Variants in FAF1 observed in about 807,000 individuals in gnomAD.
The protein encoded by FAF1 is FAS-associated factor 1.
In FAF1, 25 loss-of-function variants were observed where a neutral mutation model predicts 92.5. The observed-to-expected ratio is 0.27, with a 90% CI of 0.20 to 0.38. The LOEUF is 0.38. Among genes scored for constraint, FAF1 ranks in the 10% least tolerant of loss-of-function variants. The pLI is 1.00. For synonymous variants in FAF1, 234 were observed against 273.2 expected (o/e 0.86, Z 1.42); for missense variants, 636 against 793.3 (o/e 0.80, Z 2.38).
rs964751634 is a variant in FAF1, at chr1:50,441,189, G to T, written c.*251C>A. The T allele has an allele frequency of 1.8e-5, 7 of 394,266 alleles. No homozygotes were observed. The highest frequency in any genetic ancestry group is 1.3e-3 in the Middle Eastern group (2 of 1,538). The allele number at this position is 394,266 out of a possible 1,614,324, so 24.4% of individuals were successfully genotyped here. On this transcript the variant is annotated 3_prime_UTR_variant, in exon 19 of 19. Coordinates refer to ENST00000396153, the MANE Select transcript of FAF1 (RefSeq NM_007051.3). Reference sequence around the variant, plus strand: ...ACAATGCATTCGTCATTGAAGGAGGGTGAAGTGCAGGGGGTAGGGGAGGGT... The same window carrying T: ...ACAATGCATTCGTCATTGAAGGAGGTTGAAGTGCAGGGGGTAGGGGAGGGT...
intron 4 of FAF1, among the ~76,000 whole-genome samples, chr1:50,745,408 A>G (rs553061924): frequency 6.6e-6 from 1 of 152,340 alleles, no homozygotes; most frequent in South Asian, 2.1e-4. Flanking sequence ...CAGAAAAGAA[A>G]AAAAATGTTG....
At chr1:50,655,566 T>C (rs936180875) in intron 7 of FAF1, 38 bp from the exon 8 acceptor site, 1 of 1,296,166 alleles carries the variant, frequency 7.7e-7, no homozygotes, top group Non-Finnish European at 1.1e-6. Context: ...AAAATAGAAT[T>C]TTCACATGAC....
Position 50,596,916 on chromosome 1 carries a change from T to C in FAF1, c.745-700A>G, listed in dbSNP as rs570839146. 5.9e-5 allele frequency among the ~76,000 whole-genome samples: 9 copies of C among 152,306 alleles called. No individual in the cohort carries two copies. In the South Asian group the frequency reaches 1.7e-3, roughly 28 times the overall value. ...CAATTGCAAGTATTAAAAGTCCTTA[T>C]AAACCTGTCTTTAAAAGATACTTTG... is the stretch of plus-strand genomic sequence containing the variant. On this transcript the variant is annotated intron_variant, in intron 8 of 18. Transcript: ENST00000396153.
rs556666465 is a variant in FAF1 at position 50,725,980 on chromosome 1, C to T, written c.551+12883G>A. ...CATTAAAATATTAACTGGGGCCAGG[C>T]GCAGTGCCTCATGCCTGTAACCCCA... is the stretch of plus-strand genomic sequence containing the variant. On this transcript the variant is annotated intron_variant, in intron 6 of 18. Coordinates refer to ENST00000396153, the MANE Select transcript of FAF1 (RefSeq NM_007051.3). Among the ~76,000 whole-genome samples, 216 of 152,190 alleles carry T rather than the reference C, an allele frequency of 1.4e-3. 1 individual carries two copies. The highest frequency in any genetic ancestry group is 5.1e-3 in the African/African-American group (210 of 41,548).
At chr1:50,919,024 T>C (rs1644942128) in intron 1 of FAF1, among the ~76,000 whole-genome samples, 1 of 152,190 alleles carries the variant, frequency 6.6e-6, no homozygotes, top group African/African-American at 2.4e-5. Context: ...ACAAAATAAA[T>C]GAACTTTTAC....
At chr1:50,673,445 G>A (rs1266340057) in intron 7 of FAF1, among the ~76,000 whole-genome samples, 1 of 152,118 alleles carries the variant, frequency 6.6e-6, no homozygotes, top group African/African-American at 2.4e-5. Flanking sequence ...CCTAATAGCA[G>A]GAAGGTATTA....
chr1:50,477,615 CATT>C (rs1293810202), intron 17 of FAF1, among the ~76,000 whole-genome samples: 1 of 152,084 alleles, frequency 6.6e-6, no homozygotes, highest in African/African-American at 2.4e-5. Context: ...ATTTTAGTAA[CATT>C]ATCATATATT....
intron 4 of FAF1, among the ~76,000 whole-genome samples, chr1:50,751,438 G>A (rs1659864616): frequency 1.3e-5 from 2 of 152,050 alleles, no homozygotes; most frequent in South Asian, 4.2e-4. Flanking sequence ...CCGCCTCCCA[G>A]GTTCAAGCAA....
intron 7 of FAF1, among the ~76,000 whole-genome samples, chr1:50,671,358 T>A (rs1230946078): frequency 6.7e-6 from 1 of 150,004 alleles, no homozygotes; most frequent in African/African-American, 2.5e-5. Context: ...TGAAACAAGA[T>A]CATGCCACTG....
chr1:50,919,755 G>T (rs1644948556), intron 1 of FAF1, among the ~76,000 whole-genome samples: 1 of 152,118 alleles, frequency 6.6e-6, no homozygotes, highest in Admixed American at 6.6e-5. Context: ...TTACAGGCGT[G>T]AGCCACCGCA....
chr1:50,720,487 TA>T (rs1386646514), intron 6 of FAF1, among the ~76,000 whole-genome samples: 1 of 152,204 alleles, frequency 6.6e-6, no homozygotes, highest in Non-Finnish European at 1.5e-5. Flanking sequence ...ACAATACTGA[TA>T]ACTTAAAATA....
In FAF1 at chr1:50,491,714, AG is replaced by A; in HGVS notation, c.1575+6del. 6.2e-7 allele frequency: 1 copy of A among 1,601,788 alleles called. No individual in the cohort carries two copies. On this transcript the variant is annotated splice_donor_region_variant and intron_variant, in intron 16 of 18. Coordinates refer to ENST00000396153, the MANE Select transcript of FAF1 (RefSeq NM_007051.3). ...TCTTTATCCCAGAAGTACTTGACCA[AG>A]CCTACCTTTGCTCTGTCAGCCTCAA...
chr1:50,762,420 C>T (rs1419326414), intron 4 of FAF1, among the ~76,000 whole-genome samples: 88 of 152,036 alleles, frequency 5.8e-4, no homozygotes, highest in Non-Finnish European at 1.0e-3. Context: ...GGAGGCATCA[C>T]ACTACCTGAC....
intron 18 of FAF1, among the ~76,000 whole-genome samples, chr1:50,457,265 G>A (rs1371805710): frequency 2.6e-5 from 4 of 152,196 alleles, no homozygotes; most frequent in Middle Eastern, 3.4e-3. Flanking sequence ...GGTTCTGGAC[G>A]AAGAACAGGG....
rs1646247573 is a variant in FAF1, at chr1:50,447,832, A to C, written c.1870-6309T>G. On this transcript the variant is annotated intron_variant, in intron 18 of 18. Transcript: ENST00000396153. ...CAGTTATAGACTATGTACTTCAGAA[A>C]ACCCTCTCCTCTCTGAATTCCTCTG... Among the ~76,000 whole-genome samples, 6 of 152,322 alleles carry C rather than the reference A, an allele frequency of 3.9e-5. No homozygotes were observed. In the South Asian group the frequency reaches 1.2e-3, roughly 32 times the overall value.
intron 15 of FAF1, among the ~76,000 whole-genome samples, chr1:50,511,623 A>G (rs957408405): frequency 6.6e-6 from 1 of 152,158 alleles, no homozygotes; most frequent in African/African-American, 2.4e-5. Flanking sequence ...TATATGTGCC[A>G]TATTTTCTTT....
intron 5 of FAF1, 67 bp downstream of exon 5, chr1:50,744,617 T>C: frequency 9.1e-7 from 1 of 1,098,678 alleles, no homozygotes; most frequent in Non-Finnish European, 1.3e-6. Flanking sequence ...AAAACCAATT[T>C]TTACATATCA....
At chr1:50,496,665 G>A (rs947928610) in intron 15 of FAF1, among the ~76,000 whole-genome samples, 6 of 152,180 alleles carry the variant, frequency 3.9e-5, no homozygotes, top group Non-Finnish European at 5.9e-5. Context: ...GCCAAGGCAG[G>A]TGGATCACCT....
chr1:50,707,946 A>C (rs1398790651), intron 6 of FAF1, among the ~76,000 whole-genome samples: 1 of 152,120 alleles, frequency 6.6e-6, no homozygotes, highest in Admixed American at 6.5e-5. Flanking sequence ...CCAGGTGCTA[A>C]GGAGCTGCGT....
Sources: gnomAD v4.1 joint callset for allele counts (sites outside exome capture counted in the v4.1 genomes callset) on GRCh38, gnomAD v4.1.1 for gene constraint, MANE v1.5 for transcripts, NCBI Gene and HGNC (gene_info 2026-07-23, HGNC 2026-07-21) for gene names.